Variants in TAFA5 observed in about 807,000 individuals in gnomAD.
TAFA5 encodes the protein TAFA chemokine like family member 5.
In TAFA5, 6 loss-of-function variants were observed where a neutral mutation model predicts 15.3. The ratio of observed to expected loss-of-function variants is 0.39; its 90% confidence interval spans 0.21 to 0.77. TAFA5 has a LOEUF of 0.77. Among genes scored for constraint, TAFA5 ranks in the 30% least tolerant of loss-of-function variants. The pLI, the probability that TAFA5 is intolerant of heterozygous loss-of-function variation, is 0.41. For missense variants in TAFA5, 161 were observed against 193.1 expected (o/e 0.83, Z 0.98); for synonymous variants, 103 against 80.7 (o/e 1.28, Z -1.48).
intron 2 of TAFA5, among the ~76,000 whole-genome samples, chr22:48,699,059 G>A (rs562657685): frequency 1.3e-5 from 2 of 150,568 alleles, no homozygotes; most frequent in Admixed American, 6.6e-5. Context: ...CCCCTGCCTC[G>A]GCCTCCTGAG....
chr22:48,722,561 G>T (rs534105784), intron 3 of TAFA5, among the ~76,000 whole-genome samples: 5 of 152,254 alleles, frequency 3.3e-5, no homozygotes, highest in South Asian at 2.1e-4. Context: ...CTGTCGGGGT[G>T]GGGGGCTAGG....
intron 1 of TAFA5, among the ~76,000 whole-genome samples, chr22:48,589,800 C>T (rs572978259): frequency 4.7e-4 from 72 of 152,144 alleles, no homozygotes; most frequent in African/African-American, 1.7e-3. Context: ...AGGAAGGATC[C>T]TCCCTGGAGC....
At position 48,489,630 on chromosome 22, in the gene TAFA5, C is replaced by A; in HGVS notation, c.38C>A (p.Ala13Glu). 1.3e-6 allele frequency: 2 copies of A among 1,514,562 alleles called. No individual in the cohort carries two copies. Among genetic ancestry groups the A allele is most frequent in the Non-Finnish European group, 1.8e-6 (2 of 1,130,544 alleles). 93.8% of individuals were successfully genotyped at this position (1,514,562 alleles called of 1,614,324 possible). Residue 13 changes from alanine (A) to glutamate (E), a missense_variant, in exon 1 of 4, where the codon GCG becomes GAG. Ala to Glu is a moderately radical substitution (Grantham distance 107, BLOSUM62 -1). Transcript: ENST00000402357. This position sits in a 1 kb window ranked among gnomAD's most constrained non-coding sequence, Gnocchi z 5.5. ...CCCAGGACCGGCAGCCGGCAAGATGCGACCGCCCTGCCCAGCATGTCCTCA... is the reference window on the plus strand; with the variant it reads ...CCCAGGACCGGCAGCCGGCAAGATGAGACCGCCCTGCCCAGCATGTCCTCA... Reference protein sequence around the residue: ...PSPRTGSRQDATALPSMSSTF... With the variant: ...PSPRTGSRQDETALPSMSSTF...
At chr22:48,547,829 G>A (rs1156796913) in intron 1 of TAFA5, among the ~76,000 whole-genome samples, 2 of 152,182 alleles carry the variant, frequency 1.3e-5, no homozygotes, top group Non-Finnish European at 2.9e-5. Flanking sequence ...TGAGTTTGAC[G>A]ACTGCCGCTG....
At position 48,689,913 on chromosome 22, in the gene TAFA5, C is replaced by A. The variant is rs372362970; in HGVS notation, c.263-17804C>A. Among the ~76,000 whole-genome samples, 567 of 152,286 alleles carry A rather than the reference C, an allele frequency of 3.7e-3. 4 individuals carry two copies. Among genetic ancestry groups the A allele is most frequent in the African/African-American group, 0.013 (542 of 41,568 alleles). On this transcript the variant is annotated intron_variant, in intron 2 of 3. Transcript: ENST00000402357. ...TCACTAGCAAGGTCCTTGCTGCCCCCAGGAGCCAGTCCCTCCAGGATGAGG... is the reference window on the plus strand; with the variant it reads ...TCACTAGCAAGGTCCTTGCTGCCCCAAGGAGCCAGTCCCTCCAGGATGAGG...
chr22:48,653,257 G>T (rs1927119161), intron 2 of TAFA5, among the ~76,000 whole-genome samples: 1 of 152,180 alleles, frequency 6.6e-6, no homozygotes, highest in South Asian at 2.1e-4. Flanking sequence ...GGTTGGAGAT[G>T]CCCTGGGATG....
chr22:48,589,252 G>C (rs1924472624), intron 1 of TAFA5, among the ~76,000 whole-genome samples: 1 of 147,210 alleles, frequency 6.8e-6, no homozygotes, highest in East Asian at 1.9e-4. Flanking sequence ...AGGTGGCCAG[G>C]GGGTGACTGG....
chr22:48,568,797 C>T (rs969052975), intron 1 of TAFA5, among the ~76,000 whole-genome samples: 16 of 152,214 alleles, frequency 1.1e-4, no homozygotes, highest in African/African-American at 2.4e-5. Flanking sequence ...CCTGGACTGC[C>T]AGCCCAGGCT....
chr22:48,687,632 G>A (rs985306223), intron 2 of TAFA5, among the ~76,000 whole-genome samples: 5 of 152,146 alleles, frequency 3.3e-5, no homozygotes, highest in Non-Finnish European at 5.9e-5. Flanking sequence ...CCTTGAGGCA[G>A]TGACATTCCA....
chr22:48,635,207 C>A (rs1465462957), intron 1 of TAFA5, among the ~76,000 whole-genome samples: 3 of 152,224 alleles, frequency 2.0e-5, no homozygotes, highest in Non-Finnish European at 4.4e-5. Flanking sequence ...CCAGCCTGTC[C>A]CAAGCCAGCC....
chr22:48,678,304 G>T lies in TAFA5; in HGVS notation c.263-29413G>T, dbSNP rs190481976. On this transcript the variant is annotated intron_variant, in intron 2 of 3. Transcript: ENST00000402357. ...GCTGATGTTCTGGGGATCCTGCTGTGCCCCGGGCTCCACACCTGGATGCAG... is the reference window on the plus strand; with the variant it reads ...GCTGATGTTCTGGGGATCCTGCTGTTCCCCGGGCTCCACACCTGGATGCAG... 5.2e-3 allele frequency among the ~76,000 whole-genome samples: 786 copies of T among 152,276 alleles called. 7 individuals carry two copies. The highest frequency in any genetic ancestry group is 0.018 in the African/African-American group (759 of 41,538).
chr22:48,616,328 C>T (rs751750448), intron 1 of TAFA5, among the ~76,000 whole-genome samples: 4 of 152,194 alleles, frequency 2.6e-5, no homozygotes, highest in African/African-American at 4.8e-5. Context: ...ATTTTCTGGT[C>T]GAGGCCTGAT....
chr22:48,609,985 A>T (rs1569046307), intron 1 of TAFA5, among the ~76,000 whole-genome samples: 1 of 152,176 alleles, frequency 6.6e-6, no homozygotes, highest in African/African-American at 2.4e-5. Context: ...ACTTGATTAC[A>T]TCTGCAAAGA....
intron 1 of TAFA5, among the ~76,000 whole-genome samples, chr22:48,605,321 GTGA>G (rs1445030263): frequency 7.2e-5 from 6 of 83,018 alleles, no homozygotes; most frequent in South Asian, 7.6e-4. Flanking sequence ...GGTGGTGATG[GTGA>G]TGATGGTGAT....
At chr22:48,527,777 C>G (rs973619698) in intron 1 of TAFA5, among the ~76,000 whole-genome samples, 1 of 152,168 alleles carries the variant, frequency 6.6e-6, no homozygotes, top group South Asian at 2.1e-4. Flanking sequence ...TTGAGGGGAG[C>G]AGCTGTGGGT....
At chr22:48,581,315 G>C (rs1426091004) in intron 1 of TAFA5, among the ~76,000 whole-genome samples, 4 of 152,230 alleles carry the variant, frequency 2.6e-5, no homozygotes, top group African/African-American at 9.6e-5. Flanking sequence ...CGAGGGCCAG[G>C]CTGGCAGTGG....
chr22:48,620,990 C>G (rs111213432), intron 1 of TAFA5, among the ~76,000 whole-genome samples: 5,746 of 42,266 alleles, frequency 0.14, 1 homozygote, highest in Middle Eastern at 0.23. Flanking sequence ...ATCCACCCAC[C>G]CACCCACACT....
At position 48,499,159 on chromosome 22, in the gene TAFA5, G is replaced by A. The variant is rs575077464; in HGVS notation, c.112+9455G>A. Among the ~76,000 whole-genome samples the A allele has an allele frequency of 5.4e-4, 82 of 152,324 alleles. 1 individual carries two copies. In the South Asian group the frequency reaches 7.0e-3, roughly 13 times the overall value. On this transcript the variant is annotated intron_variant, in intron 1 of 3. Coordinates refer to ENST00000402357, the MANE Select transcript of TAFA5 (RefSeq NM_001082967.3). The stretch of plus-strand genomic sequence containing the variant: ...TCTGTTTCCAGAGCTTGGAATCAGC[G>A]CAGGGTTCACCAGTTGCTTGCAATC...
chr22:48,750,984 C>T lies in TAFA5; in HGVS notation c.*1137C>T, dbSNP rs957856183. On this transcript the variant is annotated 3_prime_UTR_variant, in exon 4 of 4. Coordinates refer to ENST00000402357, the MANE Select transcript of TAFA5 (RefSeq NM_001082967.3). Reference sequence around the variant, plus strand: ...CGGGGAGGTGGTGCCCCGCGGACCCCGGGGTGCCAGGCACGGAAGGCGGGA... The same window carrying T: ...CGGGGAGGTGGTGCCCCGCGGACCCTGGGGTGCCAGGCACGGAAGGCGGGA... 8 of 152,370 alleles carry T rather than the reference C, an allele frequency of 5.3e-5. 2 individuals are homozygous for T. The highest frequency in any genetic ancestry group is 2.1e-4 in the South Asian group (1 of 4,824). 9.4% of individuals were successfully genotyped at this position (152,370 alleles called of 1,614,324 possible). A position where few individuals can be genotyped will look rare whatever the true frequency, so the allele number is the denominator to read the frequency against.
Sources: allele counts gnomAD v4.1 joint callset (sites outside exome capture counted in the v4.1 genomes callset), GRCh38; gene constraint gnomAD v4.1.1; non-coding constraint Gnocchi (gnomAD v3.1); transcripts MANE v1.5; gene names NCBI Gene and HGNC (gene_info 2026-07-23, HGNC 2026-07-21).